PTK6: variants seen among roughly 807,000 people sequenced by gnomAD.
PTK6 encodes the protein protein-tyrosine kinase 6.
PTK6 carries 47 observed loss-of-function variants against 47.5 expected under a neutral mutation model. The ratio of observed to expected loss-of-function variants is 0.99; its 90% CI spans 0.78 to 1.26. The LOEUF is 1.26. PTK6 is among the 50% of genes most tolerant of loss of function. PTK6 has a pLI of 0.00. For synonymous variants in PTK6, 287 were observed against 276.5 expected, an observed-to-expected ratio of 1.04 and a Z score of -0.38; for missense variants, 618 against 625.3, an observed-to-expected ratio of 0.99 and a Z score of 0.12.
At chr20:63,531,586 G>T (rs2082621959) in intron 5 of PTK6, among the ~76,000 whole-genome samples, 2 of 148,510 alleles carry the variant, frequency 1.3e-5, no homozygotes, top group South Asian at 4.2e-4. Flanking sequence ...TTGCACTCCA[G>T]CCTGGGCGAC....
chr20:63,532,158 T>A (rs1160756764), intron 5 of PTK6, among the ~76,000 whole-genome samples: 1 of 144,024 alleles, frequency 6.9e-6, no homozygotes, highest in Non-Finnish European at 1.5e-5. Context: ...GATCAGTGTG[T>A]GTCTGTGTGT....
Position 63,537,161 on chromosome 20 carries a change from C to A in PTK6, c.154G>T (p.Glu52Ter). The A allele has an allele frequency of 6.2e-7, 1 of 1,612,246 alleles. No individual in the cohort carries two copies. Among genetic ancestry groups the A allele is most frequent in the Non-Finnish European group, 8.5e-7 (1 of 1,179,792 alleles). ...EQWWWATLLD[E>*]AGGAVAQGYV... ...CCCTGGGCCACGGCCCCACCCGCCT[C>A]GTCCAGCAGCGTGGCCCACCACCAC... Residue 52 changes from glutamate (E) to a stop codon, truncating the protein, a stop_gained, in exon 1 of 8, where the codon GAG becomes TAG. Transcript: ENST00000542869. LOFTEE classifies it high-confidence loss of function.
rs759127503 is a variant in PTK6 at position 63,528,404 on chromosome 20, C to CTTTTTTTTT, written c.*1123_*1131dup. 1.4e-4 allele frequency: 18 copies of CTTTTTTTTT among 131,836 alleles called. No individual in the cohort carries two copies. Among genetic ancestry groups the CTTTTTTTTT allele is most frequent in the Non-Finnish European group, 1.8e-4 (11 of 61,404 alleles). 8.2% of individuals were successfully genotyped at this position (131,836 alleles called of 1,614,324 possible). ...CTCCCAAAATTATTTTTCTTTCTTTCTTTTTTTTTTTTTTTTTTTTGAGAT... is the reference window on the plus strand; with the variant it reads ...CTCCCAAAATTATTTTTCTTTCTTTCTTTTTTTTTTTTTTTTTTTTTTTTTTTTTGAGAT... On this transcript the variant is annotated 3_prime_UTR_variant, in exon 8 of 8. Coordinates refer to ENST00000542869, the MANE Select transcript of PTK6 (RefSeq NM_005975.4).
rs982118507 is a variant in PTK6, at chr20:63,533,487, G to A, written c.670+64C>T. The A allele has an allele frequency of 3.5e-5, 52 of 1,495,816 alleles. No homozygotes were observed. Among genetic ancestry groups the A allele is most frequent in the South Asian group, 1.5e-4 (11 of 73,738 alleles). 92.7% of individuals were successfully genotyped at this position (1,495,816 alleles called of 1,614,324 possible). On this transcript the variant is annotated intron_variant, in intron 4 of 7. Coordinates refer to ENST00000542869, the MANE Select transcript of PTK6 (RefSeq NM_005975.4). The surrounding 1 kb of genome is among the most constrained non-coding windows in gnomAD (Gnocchi z 4.0). ...CTCGAGGCCAGAGGTCCCTGTTGGC[G>A]GGGTGGGAGGGTGGCCCAGGGCAGG...
chr20:63,529,605 C>G lies in PTK6; in HGVS notation c.1287G>C (p.Glu429Asp), dbSNP rs144883780. The stretch of plus-strand genomic sequence containing the variant: ...GCAGGGCCTTGAAGCAGGGTCTCTG[C>G]TCGGGGTCCCTGCACCAGCATGTCA... ...LMLTCWCRDP[E>D]QRPCFKALRE... Residue 429 changes from glutamate (E) to aspartate (D), a missense_variant, in exon 8 of 8, where the codon GAG becomes GAC. Glu to Asp is a conservative substitution (Grantham distance 45, BLOSUM62 2). Transcript: ENST00000542869. The surrounding 1 kb of genome is among the most constrained non-coding windows in gnomAD (Gnocchi z 5.6). 6.4e-7 allele frequency: 1 copy of G among 1,561,178 alleles called. No homozygotes were observed. The highest frequency in any genetic ancestry group is 1.4e-5 in the African/African-American group (1 of 73,542).
Position 63,537,367 on chromosome 20 carries a change from A to G in PTK6, c.-53T>C. 6.8e-7 allele frequency: 1 copy of G among 1,474,564 alleles called. No individual in the cohort carries two copies. The allele number at this position is 1,474,564 out of a possible 1,614,324, so 91.3% of individuals were successfully genotyped here. On this transcript the variant is annotated 5_prime_UTR_variant, in exon 1 of 8. Coordinates refer to ENST00000542869, the MANE Select transcript of PTK6 (RefSeq NM_005975.4). ...GCTGTGGCCCAGCTGGAGCACCCAG[A>G]GCTGGGCGTGGCAGGCGGGCCGTCC...
Position 63,533,630 on chromosome 20 carries a change from C to T in PTK6, c.591G>A (p.Leu197=). The part of the protein sequence containing the change: ...PREEFTLCRK[L]GSGYFGEVFE... ...AGACCTCCCCAAAGTAGCCGGACCC[C>T]AGCTTCCTGCAGAGCGTGAACTCCT... Residue 197 remains leucine (L), a synonymous_variant, in exon 4 of 8, where the codon CTG becomes CTA. Transcript: ENST00000542869. The surrounding 1 kb of genome is among the most constrained non-coding windows in gnomAD (Gnocchi z 4.0). 1 of 1,614,024 alleles carries T rather than the reference C, an allele frequency of 6.2e-7. No individual in the cohort carries two copies.
chr20:63,533,796 A>C lies in PTK6; in HGVS notation c.517-92T>G. On this transcript the variant is annotated intron_variant, in intron 3 of 7. Transcript: ENST00000542869. This position sits in a 1 kb window ranked among gnomAD's most constrained non-coding sequence, Gnocchi z 4.0. Reference sequence around the variant, plus strand: ...ACAGGGAGCCTGGATTTAGCCTCAGATTTAGGGCCACGATCAGCCTGGGTT... The same window carrying C: ...ACAGGGAGCCTGGATTTAGCCTCAGCTTTAGGGCCACGATCAGCCTGGGTT... 6.7e-7 allele frequency: 1 copy of C among 1,492,974 alleles called. No individual in the cohort carries two copies. Among genetic ancestry groups the C allele is most frequent in the Non-Finnish European group, 9.0e-7 (1 of 1,115,082 alleles). The allele number at this position is 1,492,974 out of a possible 1,614,324, so 92.5% of individuals were successfully genotyped here.
chr20:63,533,080 TTTC>T lies in PTK6; in HGVS notation c.671-396_671-394del, dbSNP rs1189241271. On this transcript the variant is annotated intron_variant, in intron 4 of 7. Coordinates refer to ENST00000542869, the MANE Select transcript of PTK6 (RefSeq NM_005975.4). This position sits in a 1 kb window ranked among gnomAD's most constrained non-coding sequence, Gnocchi z 4.0. The stretch of plus-strand genomic sequence containing the variant: ...TTTCTTTCTTTCTTTCTTTTTTTTT[TTTC>T]CCAAGACGGGGTCTTGCTCTGTCGC... 2.7e-5 allele frequency among the ~76,000 whole-genome samples: 4 copies of T among 149,858 alleles called. No individual in the cohort carries two copies. Among genetic ancestry groups the T allele is most frequent in the South Asian group, 2.1e-4 (1 of 4,822 alleles).
intron 2 of PTK6, 77 bp downstream of exon 2, chr20:63,534,861 G>A (rs1399796359): frequency 1.3e-6 from 2 of 1,504,284 alleles, no homozygotes; most frequent in African/African-American, 1.4e-5. Context: ...GAGCGAGCCG[G>A]GTTCACCACG....
In PTK6 at chr20:63,530,758, G is replaced by T. The variant is rs1453531743; in HGVS notation, c.1002C>A (p.Ala334=). Residue 334 remains alanine, a synonymous_variant, in exon 6 of 8, where the codon GCC becomes GCA. Coordinates refer to ENST00000542869, the MANE Select transcript of PTK6 (RefSeq NM_005975.4). The surrounding 1 kb of genome is among the most constrained non-coding windows in gnomAD (Gnocchi z 4.1). ...CTGAGGGCCCTACCTTGATAAGCCTGGCTAACCCGAAGTCCCCAACTTTGC... is the reference window on the plus strand; with the variant it reads ...CTGAGGGCCCTACCTTGATAAGCCTTGCTAACCCGAAGTCCCCAACTTTGC... ...TLCKVGDFGL[A]RLIKEDVYLS... 1 of 1,613,766 alleles carries T rather than the reference G, an allele frequency of 6.2e-7. No homozygotes were observed. Among genetic ancestry groups the T allele is most frequent in the East Asian group, 2.2e-5 (1 of 44,870 alleles).
chr20:63,532,824 CAG>C, intron 4 of PTK6, 137 bp from the exon 5 acceptor site: 2 of 1,228,916 alleles, frequency 1.6e-6, no homozygotes, highest in East Asian at 5.2e-5. Context: ...CTGCCCCCGA[CAG>C]GGCACCTGGC....
chr20:63,536,144 A>G (rs1384355234), intron 1 of PTK6, among the ~76,000 whole-genome samples: 1 of 102 alleles, frequency 9.8e-3, no homozygotes, highest in African/African-American at 0.045. Flanking sequence ...CCCCCCACCT[A>G]GCCTCCCGCT....
Position 63,528,012 on chromosome 20 carries a change from T to G in PTK6, c.*1524A>C, listed in dbSNP as rs1282863694. On this transcript the variant is annotated 3_prime_UTR_variant, in exon 8 of 8. Transcript: ENST00000542869. ...AAGATAGCCATGGCTCAGGATCTGATGAGAGTTTATTATATTCGTGACACG... is the reference window on the plus strand; with the variant it reads ...AAGATAGCCATGGCTCAGGATCTGAGGAGAGTTTATTATATTCGTGACACG... 3 of 152,258 alleles carry G rather than the reference T, an allele frequency of 2.0e-5. No individual in the cohort carries two copies. The highest frequency in any genetic ancestry group is 4.4e-5 in the Non-Finnish European group (3 of 68,044). The allele number at this position is 152,258 out of a possible 1,614,324, so 9.4% of individuals were successfully genotyped here.
chr20:63,532,570 A>G lies in PTK6; in HGVS notation c.788T>C (p.Ile263Thr). 6.2e-7 allele frequency: 1 copy of G among 1,613,848 alleles called. No homozygotes were observed. Residue 263 changes from isoleucine (I) to threonine (T), a missense_variant, in exon 5 of 8, where the codon ATC becomes ACC. By Grantham distance (89) the Ile-to-Thr change is moderately conservative. Transcript: ENST00000542869. Reference protein sequence around the residue: ...VVSVGDPVYIITELMAKGSLL... With the variant: ...VVSVGDPVYITTELMAKGSLL... ...GCTGCCCTTGGCCATGAGCTCCGTG[A>G]TGATGTACACGGGGTCCCCCACGGA...
intron 2 of PTK6, 123 bp from the exon 3 acceptor site, chr20:63,534,438 A>T (rs1339455085): frequency 7.9e-7 from 1 of 1,262,296 alleles, no homozygotes; most frequent in African/African-American, 1.7e-5. Flanking sequence ...GTGCTTCCTC[A>T]GTACCACCCC....
chr20:63,530,966 G>A lies in PTK6; in HGVS notation c.833-39C>T, dbSNP rs2082614127. 1 of 1,523,474 alleles carries A rather than the reference G, an allele frequency of 6.6e-7. No homozygotes were observed. The highest frequency in any genetic ancestry group is 8.8e-7 in the Non-Finnish European group (1 of 1,132,570). The allele number at this position is 1,523,474 out of a possible 1,614,324, so 94.4% of individuals were successfully genotyped here. On this transcript the variant is annotated intron_variant, in intron 5 of 7. Coordinates refer to ENST00000542869, the MANE Select transcript of PTK6 (RefSeq NM_005975.4). This position sits in a 1 kb window ranked among gnomAD's most constrained non-coding sequence, Gnocchi z 4.1. The stretch of plus-strand genomic sequence containing the variant: ...TGGAGCAGAGCCTGGGGTCAGCTGA[G>A]CCAGCTGAGGTGGGGAAGGGTTGGG...
rs755034061 is a variant in PTK6 at position 63,532,592 on chromosome 20, C to T, written c.766G>A (p.Val256Met). Residue 256 changes from valine to methionine, a missense_variant, in exon 5 of 8, where the codon GTG becomes ATG. Transcript: ENST00000542869. ...HILALYAVVS[V>M]GDPVYIITEL... is the part of the protein sequence containing the mutation. ...GTGATGATGTACACGGGGTCCCCCA[C>T]GGACACCACGGCGTACAGCGCCAGG... 1.9e-5 allele frequency: 30 copies of T among 1,613,962 alleles called. No individual in the cohort carries two copies. The highest frequency in any genetic ancestry group is 2.7e-5 in the African/African-American group (2 of 74,948).
At position 63,533,069 on chromosome 20, in the gene PTK6, TC is replaced by T. The variant is rs199737927; in HGVS notation, c.671-383del. On this transcript the variant is annotated intron_variant, in intron 4 of 7. Coordinates refer to ENST00000542869, the MANE Select transcript of PTK6 (RefSeq NM_005975.4). This position sits in a 1 kb window ranked among gnomAD's most constrained non-coding sequence, Gnocchi z 4.0. ...GGATTTTAAATTTTCTTTCTTTCTT[TC>T]TTTTTTTTTTTTCCCAAGACGGGGT... Among the ~76,000 whole-genome samples, 861 of 149,396 alleles carry T rather than the reference TC, an allele frequency of 5.8e-3. 21 individuals are homozygous for T. Among genetic ancestry groups the T allele is most frequent in the African/African-American group, 0.021 (829 of 38,968 alleles).
Sources: gnomAD v4.1 joint callset for allele counts (sites outside exome capture counted in the v4.1 genomes callset) on GRCh38, gnomAD v4.1.1 for gene constraint, Gnocchi (gnomAD v3.1) non-coding constraint, MANE v1.5 for transcripts, NCBI Gene and HGNC (gene_info 2026-07-23, HGNC 2026-07-21) for gene names.